The following MDGA1 variants were observed in gnomAD, a reference collection of about 807,000 sequenced individuals.
MDGA1 encodes the protein MAM domain-containing glycosylphosphatidylinositol anchor protein 1.
MDGA1 carries 54 observed loss-of-function variants against 101.5 expected under a neutral mutation model. That is an observed-to-expected ratio of 0.53 (90% CI 0.43 to 0.67). The LOEUF is 0.67. MDGA1 is among the 30% of genes least tolerant of loss of function. The probability of loss-of-function intolerance (pLI) is 0.00; values close to 1 mark genes in which losing one functional copy is unlikely to be tolerated. For synonymous variants in MDGA1, 533 were observed against 558.3 expected, an observed-to-expected ratio of 0.95 and a Z score of 0.64; for missense variants, 1,083 against 1,323.8, an observed-to-expected ratio of 0.82 and a Z score of 2.82.
intron 3 of MDGA1, among the ~76,000 whole-genome samples, chr6:37,656,603 GCT>G (rs1761494590): frequency 6.6e-6 from 1 of 152,072 alleles, no homozygotes; most frequent in Non-Finnish European, 1.5e-5. Context: ...GAGCTCCTGG[GCT>G]CAAGCAATCC....
intron 1 of MDGA1, among the ~76,000 whole-genome samples, chr6:37,674,265 G>A (rs111449052): frequency 0.015 from 2,297 of 152,292 alleles, 49 homozygotes; most frequent in African/African-American, 0.051. Context: ...GTACAAGGGC[G>A]CTGTCACTGA....
intron 1 of MDGA1, among the ~76,000 whole-genome samples, chr6:37,681,321 C>T (rs1762092580): frequency 6.6e-6 from 1 of 152,186 alleles, no homozygotes; most frequent in Non-Finnish European, 1.5e-5. Flanking sequence ...CGGCCTGCCC[C>T]TGCCCCCCCT....
Position 37,649,183 on chromosome 6 carries a change from C to G in MDGA1, c.1693G>C (p.Gly565Arg). 1 of 1,498,810 alleles carries G rather than the reference C, an allele frequency of 6.7e-7. No individual in the cohort carries two copies. Among genetic ancestry groups the G allele is most frequent in the Non-Finnish European group, 8.8e-7 (1 of 1,132,526 alleles). The allele number at this position is 1,498,810 out of a possible 1,614,324, so 92.8% of individuals were successfully genotyped here. A position where few individuals can be genotyped will look rare whatever the true frequency, so the allele number is the denominator to read the frequency against. ...PVLLRCSLLR[G>R]SPQRIASAVW... ...GCCGAGGCGATGCGCTGGGGGCTGC[C>G]TCGCAGCAGCGAGCAGCGCAGGAGC... Residue 565 changes from glycine (G) to arginine (R), a missense_variant, in exon 9 of 17, where the codon GGC becomes CGC. This residue lies in a region of MDGA1 where 657 missense variants were observed against 771.4 expected (regional missense o/e 0.85). Coordinates refer to ENST00000434837, the MANE Select transcript of MDGA1 (RefSeq NM_153487.4).
intron 1 of MDGA1, among the ~76,000 whole-genome samples, chr6:37,695,008 A>G (rs965389725): frequency 1.3e-5 from 2 of 151,994 alleles, no homozygotes; most frequent in Non-Finnish European, 2.9e-5. Context: ...TGCTGGGTTT[A>G]CTAGACTAGG....
In MDGA1 at chr6:37,664,087, G is replaced by A. The variant is rs35454763; in HGVS notation, c.87C>T (p.Ile29=). 0.015 allele frequency: 23,886 copies of A among 1,613,852 alleles called. 289 individuals carry two copies. The highest frequency in any genetic ancestry group is 0.044 in the South Asian group (3,967 of 91,072). The change falls in exon 2 of 17, where the codon ATC becomes ATT. Residue 29 remains isoleucine (I), a synonymous_variant. Coordinates refer to ENST00000434837, the MANE Select transcript of MDGA1 (RefSeq NM_153487.4). ...CCACACATGCCTGGCCCGCATGCAC[G>A]ATCTGCGCCTGGGCTGGAGCTGGCA... The part of the protein sequence containing the change: ...QGVYAPAQAQ[I]VHAGQACVVK...
At chr6:37,668,263 A>G (rs1761798189) in intron 1 of MDGA1, among the ~76,000 whole-genome samples, 1 of 150,166 alleles carries the variant, frequency 6.7e-6, no homozygotes, top group Admixed American at 6.6e-5. Context: ...AAAAAAAAAA[A>G]AGGTGATCCA....
At chr6:37,662,085 C>T (rs572057613) in intron 2 of MDGA1, among the ~76,000 whole-genome samples, 8 of 151,320 alleles carry the variant, frequency 5.3e-5, no homozygotes, top group African/African-American at 1.9e-4. Context: ...ATTGCTTGAG[C>T]CCAGAAGGTC....
intron 1 of MDGA1, among the ~76,000 whole-genome samples, chr6:37,679,705 C>G (rs1255411502): frequency 6.6e-6 from 1 of 152,226 alleles, no homozygotes; most frequent in East Asian, 1.9e-4. Flanking sequence ...AAACCCTCCT[C>G]CGAACAGTGG....
chr6:37,646,797 C>T (rs886682709), intron 10 of MDGA1, among the ~76,000 whole-genome samples: 1 of 152,154 alleles, frequency 6.6e-6, no homozygotes, highest in African/African-American at 2.4e-5. Flanking sequence ...GAGACCCTGG[C>T]TTTGCATGGT....
At position 37,637,260 on chromosome 6, in the gene MDGA1, G is replaced by A; in HGVS notation, c.*108C>T. ...CCAATGCAGGCCCCCTCCCTGGCGG[G>A]CCGGCCCTGCCCCTGGGCACCCCAG... On this transcript the variant is annotated 3_prime_UTR_variant, in exon 17 of 17. Transcript: ENST00000434837. 2 of 832,772 alleles carry A rather than the reference G, an allele frequency of 2.4e-6. No individual in the cohort carries two copies. The highest frequency in any genetic ancestry group is 3.3e-5 in the South Asian group (2 of 60,544). The allele number at this position is 832,772 out of a possible 1,614,324, so 51.6% of individuals were successfully genotyped here. A position where few individuals can be genotyped will look rare whatever the true frequency, so the allele number is the denominator to read the frequency against.
At chr6:37,694,068 CCTCTGTTCAGCCCCTCCCTTA>C (rs1167579387) in intron 1 of MDGA1, among the ~76,000 whole-genome samples, 1 of 152,190 alleles carries the variant, frequency 6.6e-6, no homozygotes, top group African/African-American at 2.4e-5. Context: ...GTCTTCCTCC[CCTCTGTTCAGCCCCTCCCTTA>C]TCCACACAGG....
At chr6:37,694,873 C>A (rs55912612) in intron 1 of MDGA1, among the ~76,000 whole-genome samples, 1 of 151,876 alleles carries the variant, frequency 6.6e-6, no homozygotes, top group Admixed American at 6.6e-5. Flanking sequence ...TAGGCACAGG[C>A]GGGAGGGGAG....
intron 7 of MDGA1, among the ~76,000 whole-genome samples, chr6:37,651,144 C>G (rs539759693): frequency 1.3e-4 from 20 of 152,364 alleles, no homozygotes; most frequent in Admixed American, 9.8e-4. Context: ...CTAGCCCTGA[C>G]TGCTCACCAG....
chr6:37,688,293 T>G (rs1762239539), intron 1 of MDGA1, among the ~76,000 whole-genome samples: 1 of 152,126 alleles, frequency 6.6e-6, no homozygotes, highest in Non-Finnish European at 1.5e-5. Flanking sequence ...AGGCCCGGGG[T>G]GGGGCTGGGC....
chr6:37,681,436 G>C (rs923784179), intron 1 of MDGA1, among the ~76,000 whole-genome samples: 27 of 152,216 alleles, frequency 1.8e-4, no homozygotes, highest in Non-Finnish European at 3.7e-4. Flanking sequence ...CCCTGCCTTG[G>C]AACCAAGAAA....
Position 37,635,742 on chromosome 6 carries a change from G to T in MDGA1, c.*1626C>A, listed in dbSNP as rs1037806342. The T allele has an allele frequency of 5.0e-6, 2 of 398,582 alleles. No homozygotes were observed. The highest frequency in any genetic ancestry group is 8.8e-6 in the Non-Finnish European group (2 of 226,104). The allele number at this position is 398,582 out of a possible 1,614,324, so 24.7% of individuals were successfully genotyped here. On this transcript the variant is annotated 3_prime_UTR_variant, in exon 17 of 17. Transcript: ENST00000434837. ...ACCAAAGGTGCTTGCATTCAATAGGGTCATCTGTAAGCTCTCCGTCATCCA... is the reference window on the plus strand; with the variant it reads ...ACCAAAGGTGCTTGCATTCAATAGGTTCATCTGTAAGCTCTCCGTCATCCA...
In MDGA1 at chr6:37,652,378, G is replaced by T; in HGVS notation, c.983-38C>A. 6.6e-7 allele frequency: 1 copy of T among 1,520,424 alleles called. No individual in the cohort carries two copies. Among genetic ancestry groups the T allele is most frequent in the East Asian group, 2.4e-5 (1 of 41,790 alleles). 94.2% of individuals were successfully genotyped at this position (1,520,424 alleles called of 1,614,324 possible). A position where few individuals can be genotyped will look rare whatever the true frequency, so the allele number is the denominator to read the frequency against. On this transcript the variant is annotated intron_variant, in intron 6 of 16. Coordinates refer to ENST00000434837, the MANE Select transcript of MDGA1 (RefSeq NM_153487.4). The surrounding 1 kb of genome is among the most constrained non-coding windows in gnomAD (Gnocchi z 4.3). Reference sequence around the variant, plus strand: ...GGGGAGGGAAGGGTAGTTGGGGTTGGCCTGACTCCAGGGGTCCATGTCCCA... The same window carrying T: ...GGGGAGGGAAGGGTAGTTGGGGTTGTCCTGACTCCAGGGGTCCATGTCCCA...
chr6:37,663,845 G>A lies in MDGA1; in HGVS notation c.207+122C>T, dbSNP rs1407142241. The stretch of plus-strand genomic sequence containing the variant: ...GCTATTTCCCCAGCCCCCATCTCCT[G>A]TTCTCTGCCTCCATGCTGCGGTGCA... On this transcript the variant is annotated intron_variant, in intron 2 of 16. Transcript: ENST00000434837. 1.7e-5 allele frequency: 19 copies of A among 1,133,552 alleles called. No homozygotes were observed. In the East Asian group the frequency reaches 3.6e-4, roughly 21 times the overall value. 70.2% of individuals were successfully genotyped at this position (1,133,552 alleles called of 1,614,324 possible).
chr6:37,645,924 G>T lies in MDGA1; in HGVS notation c.2248+9C>A, dbSNP rs1267082901. On this transcript the variant is annotated intron_variant, in intron 12 of 16. Transcript: ENST00000434837. ...GAAGGGGAAGTCATGGGTGACTGGG[G>T]AGTCTCACCTGAAAGGTTCGGAGAG... 5 of 1,614,024 alleles carry T rather than the reference G, an allele frequency of 3.1e-6. No homozygotes were observed. The South Asian group carries it at 5.5e-5, about 18-fold the overall frequency.
Sources: gnomAD v4.1 joint callset for allele counts (sites outside exome capture counted in the v4.1 genomes callset) on GRCh38, gnomAD v4.1.1 for gene constraint, gnomAD v4.1.1 regional missense constraint, Gnocchi (gnomAD v3.1) non-coding constraint, MANE v1.5 for transcripts, NCBI Gene and HGNC (gene_info 2026-07-23, HGNC 2026-07-21) for gene names.